NXN: variants seen among roughly 807,000 people sequenced by gnomAD.
NXN encodes the protein nucleoredoxin 1.
NXN carries 16 observed loss-of-function variants against 48.6 expected under a neutral mutation model. The observed-to-expected ratio is 0.33, with a 90% CI of 0.22 to 0.50. NXN has a LOEUF of 0.50. Ranked by LOEUF, NXN falls within the 20% of genes least tolerant of loss-of-function variation. The pLI is 0.98. For synonymous variants in NXN, 281 were observed against 269.6 expected (o/e 1.04, Z -0.41); for missense variants, 492 against 605.5 (o/e 0.81, Z 1.97).
chr17:967,903 C>T (rs1478453270), intron 1 of NXN, among the ~76,000 whole-genome samples: 2 of 151,308 alleles, frequency 1.3e-5, no homozygotes, highest in African/African-American at 4.9e-5. Context: ...ACCCAGGAGG[C>T]GGAGCTTGCA....
chr17:881,540 T>C (rs1396292437), intron 1 of NXN, among the ~76,000 whole-genome samples: 1 of 152,210 alleles, frequency 6.6e-6, no homozygotes, highest in African/African-American at 2.4e-5. Flanking sequence ...ACAACCACTT[T>C]GAAGAACCGT....
intron 1 of NXN, among the ~76,000 whole-genome samples, chr17:834,946 C>T (rs1425898171): frequency 6.6e-6 from 1 of 151,634 alleles, no homozygotes; most frequent in South Asian, 2.1e-4. Flanking sequence ...CCCCAGGGTG[C>T]ATTCTCATGA....
intron 1 of NXN, among the ~76,000 whole-genome samples, chr17:831,663 C>T (rs1251698173): frequency 6.6e-6 from 1 of 151,776 alleles, no homozygotes; most frequent in Admixed American, 6.6e-5. Flanking sequence ...CCACACCTGG[C>T]TAATTTTTGT....
At chr17:892,559 G>A (rs778159978) in intron 1 of NXN, among the ~76,000 whole-genome samples, 5 of 142,184 alleles carry the variant, frequency 3.5e-5, no homozygotes, top group Non-Finnish European at 4.6e-5. Flanking sequence ...ACTCACAAAC[G>A]CACCTGGCAA....
At chr17:890,396 C>G (rs539061267) in intron 1 of NXN, among the ~76,000 whole-genome samples, 1 of 152,100 alleles carries the variant, frequency 6.6e-6, no homozygotes, top group African/African-American at 2.4e-5. Flanking sequence ...TTTTTTGAGA[C>G]GGACTCTCAC....
intron 1 of NXN, among the ~76,000 whole-genome samples, chr17:947,459 G>A (rs946278920): frequency 1.3e-5 from 2 of 151,516 alleles, no homozygotes; most frequent in Non-Finnish European, 2.9e-5. Context: ...AGGGCTCGGC[G>A]TGGTGGCTCA....
At chr17:844,279 A>G (rs981586397) in intron 1 of NXN, among the ~76,000 whole-genome samples, 6 of 143,726 alleles carry the variant, frequency 4.2e-5, no homozygotes, top group Non-Finnish European at 9.0e-5. Flanking sequence ...CTTAGCTGGA[A>G]GGTGGCGGCC....
intron 1 of NXN, among the ~76,000 whole-genome samples, chr17:925,223 G>A (rs2068787443): frequency 1.3e-5 from 2 of 152,176 alleles, no homozygotes; most frequent in Admixed American, 1.3e-4. Flanking sequence ...CCGCCTCCCG[G>A]AAAGCAAACC....
At chr17:823,886 G>A (rs988087753) in intron 2 of NXN, 121 bp from the exon 3 acceptor site, 33 of 907,896 alleles carry the variant, frequency 3.6e-5, no homozygotes, top group Admixed American at 5.1e-5. Flanking sequence ...ACCTCAGAGC[G>A]GCAGGCGTGA....
chr17:888,779 A>AC (rs1196374769), intron 1 of NXN, among the ~76,000 whole-genome samples: 4 of 151,568 alleles, frequency 2.6e-5, no homozygotes, highest in Admixed American at 1.3e-4. Flanking sequence ...ACATGGAGAA[A>AC]CCCCGTCTCT....
At chr17:918,300 A>G (rs1488629872) in intron 1 of NXN, among the ~76,000 whole-genome samples, 2 of 152,148 alleles carry the variant, frequency 1.3e-5, no homozygotes, top group Non-Finnish European at 2.9e-5. Flanking sequence ...TTTCCTTTGT[A>G]ACGTTCGGTT....
At chr17:924,374 T>C (rs541698651) in intron 1 of NXN, among the ~76,000 whole-genome samples, 1 of 152,266 alleles carries the variant, frequency 6.6e-6, no homozygotes, top group South Asian at 2.1e-4. Flanking sequence ...GTAGGTGGGA[T>C]TGCAAGGCGT....
At chr17:910,198 G>A (rs908584912) in intron 1 of NXN, among the ~76,000 whole-genome samples, 1 of 152,118 alleles carries the variant, frequency 6.6e-6, no homozygotes, top group African/African-American at 2.4e-5. Flanking sequence ...GATCACCTGA[G>A]ACCAGGAGAC....
intron 1 of NXN, chr17:864,158 T>G: frequency 9.3e-7 from 1 of 1,078,836 alleles, no homozygotes; most frequent in Non-Finnish European, 1.3e-6. Context: ...GTTGCTCGGT[T>G]CCGGTGAAGG....
intron 1 of NXN, among the ~76,000 whole-genome samples, chr17:912,331 G>A (rs545356991): frequency 3.3e-5 from 5 of 152,174 alleles, no homozygotes; most frequent in African/African-American, 4.8e-5. Context: ...AGGGTCAACC[G>A]TATTTGTAAG....
At chr17:843,006 G>GAGAAAGAGAGAAAGAAAGAAAGAA (rs1555613117) in intron 1 of NXN, among the ~76,000 whole-genome samples, 44 of 96,012 alleles carry the variant, frequency 4.6e-4, no homozygotes, top group Non-Finnish European at 6.9e-4. Context: ...GAGAGAAAGA[G>GAGAAAGAGAGAAAGAAAGAAAGAA]AGAAAGAAAG....
intron 1 of NXN, among the ~76,000 whole-genome samples, chr17:895,628 C>A (rs562532836): frequency 3.6e-5 from 5 of 139,888 alleles, no homozygotes; most frequent in Admixed American, 7.4e-5. Context: ...CTGGCTAACA[C>A]GGTGAAACCC....
chr17:877,370 T>C (rs2068228244), intron 1 of NXN, among the ~76,000 whole-genome samples: 1 of 151,956 alleles, frequency 6.6e-6, no homozygotes, highest in Non-Finnish European at 1.5e-5. Flanking sequence ...ATGGTCTCGA[T>C]CTCCTGACCT....
chr17:889,178 T>C (rs1230075766), intron 1 of NXN, among the ~76,000 whole-genome samples: 1 of 152,092 alleles, frequency 6.6e-6, no homozygotes, highest in Admixed American at 6.6e-5. Flanking sequence ...GAGGATTAAG[T>C]GGGAAGACAG....
Sources: gnomAD v4.1 joint callset for allele counts (sites outside exome capture counted in the v4.1 genomes callset) on GRCh38, gnomAD v4.1.1 for gene constraint, MANE v1.5 for transcripts, NCBI Gene and HGNC (gene_info 2026-07-23, HGNC 2026-07-21) for gene names.